PCDH15: variants seen among roughly 807,000 people sequenced by gnomAD.
PCDH15 encodes protocadherin-15.
PCDH15 carries 129 observed loss-of-function variants against 178.5 expected under a neutral mutation model. The observed-to-expected ratio is 0.72, with a 90% CI of 0.63 to 0.84. PCDH15 has a LOEUF of 0.84. Ranked by LOEUF, PCDH15 falls within the 40% of genes least tolerant of loss-of-function variation. The pLI, the probability that PCDH15 is intolerant of heterozygous loss-of-function variation, is 0.00. For missense variants in PCDH15, 2,230 were observed against 2,099.9 expected, an observed-to-expected ratio of 1.06 and a Z score of -1.21; for synonymous variants, 800 against 732.0, an observed-to-expected ratio of 1.09 and a Z score of -1.50.
intron 18 of PCDH15, among the ~76,000 whole-genome samples, chr10:54,028,788 T>A (rs11004010): frequency 1.5e-5 from 2 of 135,994 alleles, no homozygotes; most frequent in African/African-American, 5.5e-5. Flanking sequence ...GGGACTGTTG[T>A]GGGGTGGGGG....
At chr10:53,921,268 A>C (rs1589428785) in intron 25 of PCDH15, among the ~76,000 whole-genome samples, 1 of 152,300 alleles carries the variant, frequency 6.6e-6, no homozygotes, top group African/African-American at 2.4e-5. Context: ...GTATAAATGG[A>C]AATTAAAATT....
intron 3 of PCDH15, among the ~76,000 whole-genome samples, chr10:54,458,932 A>T (rs1284692864): frequency 6.6e-6 from 1 of 152,164 alleles, no homozygotes; most frequent in Non-Finnish European, 1.5e-5. Flanking sequence ...TTCATTCAAC[A>T]TCCTTCCATT....
intron 2 of PCDH15, among the ~76,000 whole-genome samples, chr10:55,164,838 C>A (rs933837898): frequency 6.6e-6 from 1 of 152,000 alleles, no homozygotes; most frequent in Non-Finnish European, 1.5e-5. Flanking sequence ...ACTACGCAAG[C>A]GGATTGAAAA....
In PCDH15 at chr10:54,561,942, A is replaced by C. The variant is rs1390247105; in HGVS notation, c.92-34065T>G. On this transcript the variant is annotated intron_variant, in intron 2 of 37. Transcript: ENST00000644397. The stretch of plus-strand genomic sequence containing the variant: ...CATTATCTGCCCACCTTGGCCTCCC[A>C]AAGTGCTGGGATTACAGGCATGAGC... Among the ~76,000 whole-genome samples, 4 of 147,924 alleles carry C rather than the reference A, an allele frequency of 2.7e-5. No individual in the cohort carries two copies. In the East Asian group the frequency reaches 8.0e-4, roughly 30 times the overall value.
chr10:55,375,206 A>G lies in PCDH15; in HGVS notation c.-155-208555T>C, dbSNP rs140472030. Reference sequence around the variant, plus strand: ...CTTTTGATTTTTTCTCTGCCAAAAAAGCATTCAATATGTGGCTGCTTTCCG... The same window carrying G: ...CTTTTGATTTTTTCTCTGCCAAAAAGGCATTCAATATGTGGCTGCTTTCCG... On this transcript the variant is annotated intron_variant, in intron 2 of 5. Coordinates refer to the PCDH15 transcript ENST00000613346. Among the ~76,000 whole-genome samples, 216 of 152,270 alleles carry G rather than the reference A, an allele frequency of 1.4e-3. 4 individuals are homozygous for G. In the East Asian group the frequency reaches 0.04, roughly 28 times the overall value.
chr10:55,009,166 T>C (rs1839996134), intron 2 of PCDH15, among the ~76,000 whole-genome samples: 1 of 152,124 alleles, frequency 6.6e-6, no homozygotes, highest in Non-Finnish European at 1.5e-5. Flanking sequence ...CAGTTTTTAA[T>C]GTAGCATCAA....
chr10:54,737,086 G>A (rs1225001046), intron 1 of PCDH15, among the ~76,000 whole-genome samples: 2 of 152,096 alleles, frequency 1.3e-5, no homozygotes, highest in Non-Finnish European at 1.5e-5. Flanking sequence ...ATGCCTCAGT[G>A]GCAGCACTGA....
intron 1 of PCDH15, among the ~76,000 whole-genome samples, chr10:55,237,911 C>CT (rs1043131806): frequency 4.6e-5 from 7 of 151,492 alleles, no homozygotes; most frequent in Admixed American, 2.0e-4. Context: ...TAAATATGAT[C>CT]TTTTTTCTTG....
At chr10:54,134,725 C>T (rs1418962224) in intron 14 of PCDH15, among the ~76,000 whole-genome samples, 1 of 150,178 alleles carries the variant, frequency 6.7e-6, no homozygotes, top group Non-Finnish European at 1.5e-5. Context: ...TGCACTCCAG[C>T]CTGGGCAACA....
intron 15 of PCDH15, among the ~76,000 whole-genome samples, chr10:54,108,802 G>A (rs1356627898): frequency 6.6e-6 from 1 of 152,140 alleles, no homozygotes; most frequent in Admixed American, 6.5e-5. Context: ...TACCAGGTAA[G>A]CCACAGTAGG....
At chr10:53,970,413 G>A (rs2610901) in intron 21 of PCDH15, among the ~76,000 whole-genome samples, 107,269 of 151,882 alleles carry the variant, frequency 0.71, 38,242 homozygotes, top group East Asian at 0.87. Context: ...TAATAATGGG[G>A]GACTTTAACA....
chr10:53,915,335 A>G (rs1284421653), intron 25 of PCDH15, among the ~76,000 whole-genome samples: 1 of 151,510 alleles, frequency 6.6e-6, no homozygotes, highest in Non-Finnish European at 1.5e-5. Context: ...ATTTAGCTAT[A>G]TTTTTATATA....
chr10:54,696,639 C>T (rs1217882151), intron 1 of PCDH15, among the ~76,000 whole-genome samples: 1 of 151,890 alleles, frequency 6.6e-6, no homozygotes, highest in African/African-American at 2.4e-5. Flanking sequence ...TTAAAAGCTT[C>T]CCATTTCTGA....
At chr10:55,255,205 T>C (rs1841959616) in intron 1 of PCDH15, among the ~76,000 whole-genome samples, 1 of 141,074 alleles carries the variant, frequency 7.1e-6, no homozygotes, top group African/African-American at 2.6e-5. Context: ...ATGCGGTGTT[T>C]GGTTTTTTGT....
At chr10:54,927,622 A>G (rs1837665074) in intron 2 of PCDH15, among the ~76,000 whole-genome samples, 2 of 152,106 alleles carry the variant, frequency 1.3e-5, no homozygotes, top group South Asian at 4.1e-4. Flanking sequence ...GTGCTCCTGT[A>G]TTGGGTACAT....
intron 1 of PCDH15, among the ~76,000 whole-genome samples, chr10:55,316,586 C>T (rs1481816274): frequency 6.6e-6 from 1 of 152,000 alleles, no homozygotes; most frequent in Non-Finnish European, 1.5e-5. Flanking sequence ...TTTGTAGCTT[C>T]AGCTTGTATT....
intron 3 of PCDH15, among the ~76,000 whole-genome samples, chr10:54,825,022 C>G (rs541840631): frequency 4.6e-5 from 7 of 152,204 alleles, no homozygotes; most frequent in East Asian, 3.9e-4. Context: ...ATCCCTCCCC[C>G]CTCCTCCCAC....
At chr10:54,390,323 C>T (rs1460081863) in intron 3 of PCDH15, among the ~76,000 whole-genome samples, 3 of 151,902 alleles carry the variant, frequency 2.0e-5, no homozygotes, top group Admixed American at 1.3e-4. Context: ...GAGACAGTCT[C>T]GTTCTGTCGC....
chr10:53,840,889 A>C (rs549286913), intron 28 of PCDH15, among the ~76,000 whole-genome samples: 23 of 152,332 alleles, frequency 1.5e-4, no homozygotes, highest in Non-Finnish European at 3.4e-4. Flanking sequence ...CTCCCACTAA[A>C]GTCTGTGACA....
Sources: allele counts gnomAD v4.1 joint callset (sites outside exome capture counted in the v4.1 genomes callset), GRCh38; gene constraint gnomAD v4.1.1; transcripts MANE v1.5; gene names NCBI Gene and HGNC (gene_info 2026-07-23, HGNC 2026-07-21).